The following PACRG variants were observed in gnomAD, a reference collection of about 807,000 sequenced individuals.
PACRG encodes the protein parkin coregulated.
PACRG carries 29 observed loss-of-function variants against 29.7 expected under a neutral mutation model. The observed-to-expected ratio is 0.98, with a 90% CI of 0.73 to 1.33. PACRG has a LOEUF of 1.33. Among genes scored for constraint, PACRG ranks in the 40% most tolerant of loss-of-function variants. PACRG has a pLI of 0.00. For synonymous variants in PACRG, 116 were observed against 118.7 expected (o/e 0.98, Z 0.15); for missense variants, 279 against 316.2 (o/e 0.88, Z 0.89).
intron 1 of PACRG, among the ~76,000 whole-genome samples, chr6:162,750,809 A>C (rs921218165): frequency 1.3e-5 from 2 of 152,200 alleles, no homozygotes; most frequent in African/African-American, 4.8e-5. Context: ...CTCAGATGGT[A>C]GGTAGTTTTG....
At chr6:163,123,599 T>A (rs1816393725) in intron 4 of PACRG, among the ~76,000 whole-genome samples, 1 of 151,866 alleles carries the variant, frequency 6.6e-6, no homozygotes, top group Non-Finnish European at 1.5e-5. Context: ...ACAGGAGATC[T>A]CTGGAACTTA....
intron 2 of PACRG, among the ~76,000 whole-genome samples, chr6:162,882,355 G>GT (rs1220045160): frequency 6.7e-6 from 1 of 150,290 alleles, no homozygotes; most frequent in Non-Finnish European, 1.5e-5. Flanking sequence ...CGGAGGCACT[G>GT]TCCACCAATA....
chr6:163,180,692 A>T (rs1779613128), intron 4 of PACRG, among the ~76,000 whole-genome samples: 2 of 152,202 alleles, frequency 1.3e-5, no homozygotes, highest in Admixed American at 6.5e-5. Flanking sequence ...AAAAAAAAGC[A>T]GTTTAATTCC....
In PACRG at chr6:163,055,756, T is replaced by C. The variant is rs1159381362; in HGVS notation, c.292-6394T>C. On this transcript the variant is annotated intron_variant, in intron 2 of 4. Transcript: ENST00000366888. This position sits in a 1 kb window ranked among gnomAD's most constrained non-coding sequence, Gnocchi z 4.0. ...TACACTTCAGTGGCAGTAAGTACTCTCATACAGTGTGACCATGACCACCAT... is the reference window on the plus strand; with the variant it reads ...TACACTTCAGTGGCAGTAAGTACTCCCATACAGTGTGACCATGACCACCAT... Among the ~76,000 whole-genome samples the C allele has an allele frequency of 6.6e-6, 1 of 152,200 alleles. No homozygotes were observed. The highest frequency in any genetic ancestry group is 2.4e-5 in the African/African-American group (1 of 41,446).
intron 1 of PACRG, among the ~76,000 whole-genome samples, chr6:162,746,659 C>T (rs553359912): frequency 6.6e-6 from 1 of 152,144 alleles, no homozygotes; most frequent in Non-Finnish European, 1.5e-5. Flanking sequence ...GCATAAATAG[C>T]CAGTGTCTTG....
chr6:163,230,517 G>A (rs1270550578), intron 4 of PACRG, among the ~76,000 whole-genome samples: 1 of 152,120 alleles, frequency 6.6e-6, no homozygotes, highest in South Asian at 2.1e-4. Flanking sequence ...CTTATACTTA[G>A]TGGAGTTTTA....
At chr6:162,909,747 C>T (rs1189508750) in intron 2 of PACRG, among the ~76,000 whole-genome samples, 2 of 151,964 alleles carry the variant, frequency 1.3e-5, no homozygotes, top group African/African-American at 4.8e-5. Flanking sequence ...GGCCATTAAA[C>T]AGAACTTCTT....
At chr6:163,269,398 G>A (rs867174599) in intron 4 of PACRG, among the ~76,000 whole-genome samples, 1 of 152,176 alleles carries the variant, frequency 6.6e-6, no homozygotes, top group Non-Finnish European at 1.5e-5. Flanking sequence ...GTTTGGAGAT[G>A]ATTCTTCTGG....
At chr6:162,727,699 G>T (rs1458142013), upstream of PACRG, 5 of 1,565,752 alleles carry the variant, frequency 3.2e-6, no homozygotes, top group Non-Finnish European at 4.3e-6. Context: ...CTGCGGGCCA[G>T]GAACAGGCCC....
intron 4 of PACRG, chr6:163,165,903 C>T (rs376586876): frequency 2.8e-6 from 1 of 358,284 alleles, no homozygotes; most frequent in South Asian, 2.1e-5. Flanking sequence ...GGCTTCATTG[C>T]ATCTAAGGCA....
At chr6:163,094,897 G>C (rs563134836) in intron 4 of PACRG, among the ~76,000 whole-genome samples, 13 of 152,110 alleles carry the variant, frequency 8.5e-5, no homozygotes, top group Non-Finnish European at 1.6e-4. Context: ...GCAAGCCCTC[G>C]GGAAATTATA....
chr6:163,269,687 G>C (rs1052804438), intron 4 of PACRG, among the ~76,000 whole-genome samples: 1 of 151,078 alleles, frequency 6.6e-6, no homozygotes, highest in Non-Finnish European at 1.5e-5. Flanking sequence ...CTTTAAAAAA[G>C]TGATTCAAGT....
intron 3 of PACRG, among the ~76,000 whole-genome samples, chr6:163,079,314 C>A (rs1176477193): frequency 6.6e-6 from 1 of 150,866 alleles, no homozygotes; most frequent in Non-Finnish European, 1.5e-5. Context: ...TGGACTCGAT[C>A]AAATATAGAT....
At chr6:163,064,273 T>G (rs1312076029) in intron 3 of PACRG, among the ~76,000 whole-genome samples, 2 of 152,140 alleles carry the variant, frequency 1.3e-5, no homozygotes, top group East Asian at 3.9e-4. Context: ...ATTTTCAATT[T>G]TGTTTGATCT....
chr6:163,137,568 C>T (rs765995181), intron 4 of PACRG, among the ~76,000 whole-genome samples: 3 of 152,168 alleles, frequency 2.0e-5, no homozygotes, highest in Non-Finnish European at 2.9e-5. Flanking sequence ...CCCCCCAAAC[C>T]TCCCCTGGCT....
chr6:163,166,114 C>T (rs1124951), intron 4 of PACRG: 4 of 456,116 alleles, frequency 8.8e-6, no homozygotes, highest in Middle Eastern at 3.3e-4. Flanking sequence ...GGCTGCAGGG[C>T]TTGGCGCGGG....
intron 4 of PACRG, among the ~76,000 whole-genome samples, chr6:163,223,974 T>C (rs1309910083): frequency 1.3e-5 from 2 of 152,178 alleles, no homozygotes; most frequent in Non-Finnish European, 2.9e-5. Context: ...GCTATCCTTA[T>C]CAAAATTCCA....
In PACRG at chr6:163,269,867, G is replaced by GAGAAAGAAAGAAAGAA. The variant is rs767222690; in HGVS notation, c.614-44950_614-44935dup. Reference sequence around the variant, plus strand: ...AAAGAAAGAAAGAAAGAGAAAGAAAGAGAAAGAAAGAAAGAAAGAAAGAAA... The same window carrying GAGAAAGAAAGAAAGAA: ...AAAGAAAGAAAGAAAGAGAAAGAAAGAGAAAGAAAGAAAGAAAGAAAGAAAGAAAGAAAGAAAGAAA... On this transcript the variant is annotated intron_variant, in intron 4 of 4. Transcript: ENST00000366888. 8.8e-5 allele frequency among the ~76,000 whole-genome samples: 5 copies of GAGAAAGAAAGAAAGAA among 56,764 alleles called. 1 individual carries two copies. The highest frequency in any genetic ancestry group is 5.6e-4 in the South Asian group (1 of 1,776). 37.2% of individuals were successfully genotyped at this position (56,764 alleles called of 152,430 possible).
At chr6:162,947,302 A>ATAATACATATAATC (rs1554312822) in intron 2 of PACRG, among the ~76,000 whole-genome samples, 8 of 111,762 alleles carry the variant, frequency 7.2e-5, no homozygotes, top group Non-Finnish European at 7.5e-5. Context: ...ATAATCATAT[A>ATAATACATATAATC]ATATATATAA....
Sources: allele counts gnomAD v4.1 joint callset (sites outside exome capture counted in the v4.1 genomes callset), GRCh38; gene constraint gnomAD v4.1.1; non-coding constraint Gnocchi (gnomAD v3.1); transcripts MANE v1.5; gene names NCBI Gene and HGNC (gene_info 2026-07-23, HGNC 2026-07-21).